The following ROBO2 variants were observed in gnomAD, a reference collection of about 807,000 sequenced individuals.
ROBO2 encodes roundabout homolog 2.
A neutral mutation model predicts 160.8 loss-of-function variants in ROBO2; 53 were observed. That is an observed-to-expected ratio of 0.33 (90% CI 0.26 to 0.41). The LOEUF is 0.41. ROBO2 is among the 10% of genes least tolerant of loss of function. ROBO2 has a pLI of 1.00. For missense variants in ROBO2, 1,577 were observed against 1,722.4 expected (o/e 0.92, Z 1.49); for synonymous variants, 664 against 611.7 (o/e 1.09, Z -1.26).
At chr3:77,225,519 A>G (rs1261078997) in intron 2 of ROBO2, among the ~76,000 whole-genome samples, 1 of 151,850 alleles carries the variant, frequency 6.6e-6, no homozygotes, top group Non-Finnish European at 1.5e-5. Context: ...TTCAAAGTAC[A>G]ATTTCTTGAA....
At chr3:76,179,832 G>C (rs1428926939) in intron 2 of ROBO2, among the ~76,000 whole-genome samples, 3 of 152,044 alleles carry the variant, frequency 2.0e-5, no homozygotes, top group African/African-American at 7.2e-5. Context: ...TGATGGAAGG[G>C]GGGTTGGTAA....
chr3:77,445,022 G>T (rs906890187), intron 2 of ROBO2, among the ~76,000 whole-genome samples: 3 of 152,084 alleles, frequency 2.0e-5, no homozygotes, highest in Non-Finnish European at 4.4e-5. Context: ...CTCTTTTTCG[G>T]CAAATAAAAT....
intron 2 of ROBO2, among the ~76,000 whole-genome samples, chr3:76,795,639 A>G (rs1246001478): frequency 6.6e-6 from 1 of 152,088 alleles, no homozygotes; most frequent in Non-Finnish European, 1.5e-5. Flanking sequence ...GATATATGCA[A>G]TTACTTCCTC....
At chr3:76,146,411 C>T (rs2071890261) in intron 2 of ROBO2, among the ~76,000 whole-genome samples, 1 of 151,798 alleles carries the variant, frequency 6.6e-6, no homozygotes, top group African/African-American at 2.4e-5. Flanking sequence ...TCTCAAGGTC[C>T]TCATACTTCC....
At chr3:76,522,035 C>G (rs530326564) in intron 2 of ROBO2, among the ~76,000 whole-genome samples, 1 of 151,974 alleles carries the variant, frequency 6.6e-6, no homozygotes, top group Admixed American at 6.6e-5. Flanking sequence ...TTTGTGTAAT[C>G]CTTCATCTAA....
intron 2 of ROBO2, among the ~76,000 whole-genome samples, chr3:77,293,233 C>G (rs13090701): frequency 7.9e-6 from 1 of 126,398 alleles, no homozygotes; most frequent in African/African-American, 3.1e-5. Flanking sequence ...TAGATCACCC[C>G]AGACATAAAG....
At chr3:76,681,361 A>G (rs936117225) in intron 2 of ROBO2, among the ~76,000 whole-genome samples, 1 of 152,168 alleles carries the variant, frequency 6.6e-6, no homozygotes, top group African/African-American at 2.4e-5. Context: ...TACAGCAGCT[A>G]TTGCATTCTA....
chr3:76,949,524 C>T (rs552785001), intron 2 of ROBO2, among the ~76,000 whole-genome samples: 2 of 152,240 alleles, frequency 1.3e-5, no homozygotes, highest in African/African-American at 4.8e-5. Flanking sequence ...AGCCTTCTCC[C>T]CTATTTAAGG....
At chr3:76,199,854 A>G (rs1199414934) in intron 2 of ROBO2, among the ~76,000 whole-genome samples, 2 of 151,888 alleles carry the variant, frequency 1.3e-5, no homozygotes, top group Non-Finnish European at 1.5e-5. Context: ...TAAACCTTCC[A>G]TTTTTTCTAC....
chr3:76,173,065 C>T (rs564993110), intron 2 of ROBO2, among the ~76,000 whole-genome samples: 158 of 151,896 alleles, frequency 1.0e-3, no homozygotes, highest in African/African-American at 2.5e-3. Flanking sequence ...GACCACATGG[C>T]GTAAGGTGAT....
intron 1 of ROBO2, among the ~76,000 whole-genome samples, chr3:77,088,347 T>G (rs2069638719): frequency 6.6e-6 from 1 of 152,196 alleles, no homozygotes; most frequent in African/African-American, 2.4e-5. Flanking sequence ...TGCTGAATGC[T>G]GAAGGTTTTA....
chr3:77,574,490 GT>G lies in ROBO2; in HGVS notation c.1972-4del. On this transcript the variant is annotated splice_polypyrimidine_tract_variant and splice_region_variant and intron_variant, in intron 13 of 25. Transcript: ENST00000461745. The stretch of plus-strand genomic sequence containing the variant: ...TTTAGTTTCAAATGCCCTTAACTAT[GT>G]TTTTCAGGTTGATCGCCAACCCCAG... The G allele has an allele frequency of 6.2e-7, 1 of 1,610,880 alleles. No individual in the cohort carries two copies. The highest frequency in any genetic ancestry group is 8.5e-7 in the Non-Finnish European group (1 of 1,177,414).
At chr3:76,768,520 G>A (rs373803883) in intron 2 of ROBO2, among the ~76,000 whole-genome samples, 78 of 151,262 alleles carry the variant, frequency 5.2e-4, no homozygotes, top group African/African-American at 1.5e-3. Flanking sequence ...ATTTTAGCAC[G>A]TTTTGTTGGT....
intron 1 of ROBO2, among the ~76,000 whole-genome samples, chr3:77,055,841 AC>A (rs1319963087): frequency 7.9e-5 from 12 of 152,348 alleles, no homozygotes; most frequent in African/African-American, 2.9e-4. Context: ...AGTAAAATTA[AC>A]CAAAAGAATG....
chr3:76,352,842 A>T (rs952981519), intron 2 of ROBO2, among the ~76,000 whole-genome samples: 2 of 152,046 alleles, frequency 1.3e-5, no homozygotes, highest in Admixed American at 1.3e-4. Flanking sequence ...CCTACCACAG[A>T]TGGCTATAAC....
intron 2 of ROBO2, among the ~76,000 whole-genome samples, chr3:76,478,735 G>A (rs1252531709): frequency 7.0e-6 from 1 of 143,642 alleles, no homozygotes; most frequent in African/African-American, 2.6e-5. Flanking sequence ...CGGCTAGAGT[G>A]CAGTGGCATA....
At chr3:77,493,494 C>G in intron 5 of ROBO2, 112 bp downstream of exon 5, 1 of 1,212,394 alleles carries the variant, frequency 8.2e-7, no homozygotes, top group South Asian at 1.3e-5. Context: ...GGTACTTTCA[C>G]TCATGTGATT....
chr3:76,175,434 A>C (rs1017014059), intron 2 of ROBO2, among the ~76,000 whole-genome samples: 4 of 152,070 alleles, frequency 2.6e-5, no homozygotes, highest in African/African-American at 9.7e-5. Context: ...TTTGGGTTCT[A>C]GTCTGAACGT....
At chr3:76,369,599 C>T (rs1254172758) in intron 2 of ROBO2, among the ~76,000 whole-genome samples, 3 of 151,958 alleles carry the variant, frequency 2.0e-5, no homozygotes, top group Admixed American at 2.0e-4. Context: ...TAACCTGGAT[C>T]GTTCTCTCAC....
Sources: gnomAD v4.1 joint callset for allele counts (sites outside exome capture counted in the v4.1 genomes callset) on GRCh38, gnomAD v4.1.1 for gene constraint, MANE v1.5 for transcripts, NCBI Gene and HGNC (gene_info 2026-07-23, HGNC 2026-07-21) for gene names.